The following ZBTB7A variants were observed in gnomAD, a reference collection of about 807,000 sequenced individuals.
ZBTB7A encodes the protein zinc finger and BTB domain containing 7A, also known as zinc finger and BTB domain-containing protein 7A.
ZBTB7A carries 7 observed loss-of-function variants against 26.7 expected under a neutral mutation model. That is an observed-to-expected ratio of 0.26 (90% CI 0.15 to 0.49). ZBTB7A has a LOEUF of 0.49. ZBTB7A is among the 20% of genes least tolerant of loss of function. ZBTB7A has a pLI of 0.98. For synonymous variants in ZBTB7A, 452 were observed against 441.0 expected (o/e 1.02, Z -0.31); for missense variants, 617 against 919.5 (o/e 0.67, Z 4.25).
intron 2 of ZBTB7A, among the ~76,000 whole-genome samples, chr19:4,049,543 G>A (rs915114987): frequency 2.6e-5 from 4 of 152,030 alleles, no homozygotes; most frequent in African/African-American, 9.7e-5. Flanking sequence ...CTGCCCTCTC[G>A]AGGCTGGCGG....
At chr19:4,053,725 C>A (rs73534138) in intron 2 of ZBTB7A, among the ~76,000 whole-genome samples, 7 of 150,380 alleles carry the variant, frequency 4.7e-5, no homozygotes, top group African/African-American at 1.7e-4. Flanking sequence ...ACGTGGCATA[C>A]GCGTCTGTGC....
Position 4,049,166 on chromosome 19 carries a change from G to GCATATATA in ZBTB7A, c.1263-923_1263-922insTATATATG, listed in dbSNP as rs2040466469. On this transcript the variant is annotated intron_variant, in intron 2 of 2. Coordinates refer to ENST00000322357, the MANE Select transcript of ZBTB7A (RefSeq NM_015898.4). ...AAACTATATGTGTGTGTGTGTGTGT[G>GCATATATA]TGTATATATATATATATATATATAT... Among the ~76,000 whole-genome samples, 2 of 13,476 alleles carry GCATATATA rather than the reference G, an allele frequency of 1.5e-4. 1 individual carries two copies. The highest frequency in any genetic ancestry group is 5.8e-3 in the South Asian group (2 of 344). The allele number at this position is 13,476 out of a possible 152,430, so 8.8% of individuals were successfully genotyped here.
intron 1 of ZBTB7A, among the ~76,000 whole-genome samples, chr19:4,059,735 C>A (rs903181990): frequency 2.6e-5 from 4 of 152,180 alleles, no homozygotes; most frequent in Non-Finnish European, 5.9e-5. Context: ...GAACACAAGC[C>A]ACCTGCCGGC....
chr19:4,047,869 G>A lies in ZBTB7A; in HGVS notation c.1638C>T (p.Asp546=), dbSNP rs749345090. ...GGCCCAAGCCGTCGGGGCTGGCCAC[G>A]TCCTCGTCCTCGTCCTCGTCCTTAA... The part of the protein sequence containing the change: ...KHFKDEDEDE[D]VASPDGLGRL... Residue 546 remains aspartate, a synonymous_variant, in exon 3 of 3, where the codon GAC becomes GAT. Coordinates refer to ENST00000322357, the MANE Select transcript of ZBTB7A (RefSeq NM_015898.4). 20 of 1,597,464 alleles carry A rather than the reference G, an allele frequency of 1.3e-5. No individual in the cohort carries two copies. Among genetic ancestry groups the A allele is most frequent in the East Asian group, 2.3e-5 (1 of 43,138 alleles).
chr19:4,044,513 G>T lies in ZBTB7A; in HGVS notation c.*3239C>A, dbSNP rs1167880132. 7 of 150,788 alleles carry T rather than the reference G, an allele frequency of 4.6e-5. No individual in the cohort carries two copies. Among genetic ancestry groups the T allele is most frequent in the Admixed American group, 4.6e-4 (7 of 15,192 alleles). The allele number at this position is 150,788 out of a possible 1,614,324, so 9.3% of individuals were successfully genotyped here. A position where few individuals can be genotyped will look rare whatever the true frequency, so the allele number is the denominator to read the frequency against. On this transcript the variant is annotated 3_prime_UTR_variant, in exon 3 of 3. Transcript: ENST00000322357. Reference sequence around the variant, plus strand: ...CGGCAGGCTGGGGGGCACTGCAGACGGGGGCTCCGGCCCGGCCACCTCCCC... The same window carrying T: ...CGGCAGGCTGGGGGGCACTGCAGACTGGGGCTCCGGCCCGGCCACCTCCCC...
At chr19:4,062,744 G>C (rs1300175378) in intron 1 of ZBTB7A, 1 of 152,420 alleles carries the variant, frequency 6.6e-6, no homozygotes, top group Non-Finnish European at 1.5e-5. Context: ...GGCAGGGCTG[G>C]AGTCCAGCTG....
intron 1 of ZBTB7A, chr19:4,062,383 G>C (rs1229448277): frequency 6.6e-6 from 1 of 152,260 alleles, no homozygotes; most frequent in East Asian, 1.9e-4. Context: ...CGGAGCAGCT[G>C]GGGGAGGCTG....
At chr19:4,051,588 A>G (rs905334436) in intron 2 of ZBTB7A, among the ~76,000 whole-genome samples, 3 of 152,224 alleles carry the variant, frequency 2.0e-5, no homozygotes, top group African/African-American at 4.8e-5. Flanking sequence ...TGAAGCCAAC[A>G]GAACGTGGTA....
chr19:4,046,203 C>T lies in ZBTB7A; in HGVS notation c.*1549G>A. Reference sequence around the variant, plus strand: ...GGGGGAACACAGCACGAACACCCCACAGTCCTGCCTTCGAGGCTGACGTCT... The same window carrying T: ...GGGGGAACACAGCACGAACACCCCATAGTCCTGCCTTCGAGGCTGACGTCT... On this transcript the variant is annotated 3_prime_UTR_variant, in exon 3 of 3. Coordinates refer to ENST00000322357, the MANE Select transcript of ZBTB7A (RefSeq NM_015898.4). 2.5e-6 allele frequency: 1 copy of T among 397,372 alleles called. No individual in the cohort carries two copies. The highest frequency in any genetic ancestry group is 3.6e-5 in the East Asian group (1 of 27,996). The allele number at this position is 397,372 out of a possible 1,614,324, so 24.6% of individuals were successfully genotyped here.
chr19:4,052,598 G>A lies in ZBTB7A; in HGVS notation c.1262+1373C>T, dbSNP rs1192253331. On this transcript the variant is annotated intron_variant, in intron 2 of 2. Transcript: ENST00000322357. The surrounding 1 kb of genome is among the most constrained non-coding windows in gnomAD (Gnocchi z 4.9). Reference sequence around the variant, plus strand: ...GCCTCTTTCTTCAGCCTCGGTGGGCGTGGCTGGGGGAACCCCAGGGCGGGC... The same window carrying A: ...GCCTCTTTCTTCAGCCTCGGTGGGCATGGCTGGGGGAACCCCAGGGCGGGC... Among the ~76,000 whole-genome samples, 4 of 152,052 alleles carry A rather than the reference G, an allele frequency of 2.6e-5. No individual in the cohort carries two copies. Among genetic ancestry groups the A allele is most frequent in the Non-Finnish European group, 5.9e-5 (4 of 67,970 alleles).
At position 4,045,202 on chromosome 19, in the gene ZBTB7A, G is replaced by A. The variant is rs1270858333; in HGVS notation, c.*2550C>T. 2 of 152,346 alleles carry A rather than the reference G, an allele frequency of 1.3e-5. No homozygotes were observed. Among genetic ancestry groups the A allele is most frequent in the Non-Finnish European group, 1.5e-5 (1 of 68,124 alleles). The allele number at this position is 152,346 out of a possible 1,614,324, so 9.4% of individuals were successfully genotyped here. A position where few individuals can be genotyped will look rare whatever the true frequency, so the allele number is the denominator to read the frequency against. ...CCCCCAAGTCCGGTCGCCCCCACTG[G>A]CTAGGACGACAGCTGTGATTTTAGA... On this transcript the variant is annotated 3_prime_UTR_variant, in exon 3 of 3. Transcript: ENST00000322357. The surrounding 1 kb of genome is among the most constrained non-coding windows in gnomAD (Gnocchi z 4.1).
At position 4,047,419 on chromosome 19, in the gene ZBTB7A, G is replaced by A. The variant is rs2040434321; in HGVS notation, c.*333C>T. ...CCAGGCCCCATGCCGGGTGCCCAGG[G>A]GGCTGTGCGGGGTCTCGGATTCCTT... On this transcript the variant is annotated 3_prime_UTR_variant, in exon 3 of 3. Transcript: ENST00000322357. 6.4e-6 allele frequency: 1 copy of A among 156,116 alleles called. No individual in the cohort carries two copies. Among genetic ancestry groups the A allele is most frequent in the Non-Finnish European group, 1.4e-5 (1 of 70,438 alleles). 9.7% of individuals were successfully genotyped at this position (156,116 alleles called of 1,614,324 possible). A position where few individuals can be genotyped will look rare whatever the true frequency, so the allele number is the denominator to read the frequency against.
Position 4,054,559 on chromosome 19 carries a change from G to A in ZBTB7A, c.674C>T (p.Pro225Leu), listed in dbSNP as rs1273606188. 6 of 1,480,028 alleles carry A rather than the reference G, an allele frequency of 4.1e-6. No homozygotes were observed. The highest frequency in any genetic ancestry group is 1.4e-5 in the South Asian group (1 of 73,532). The allele number at this position is 1,480,028 out of a possible 1,614,324, so 91.7% of individuals were successfully genotyped here. A position where few individuals can be genotyped will look rare whatever the true frequency, so the allele number is the denominator to read the frequency against. Residue 225 changes from proline (P) to leucine (L), a missense_variant, in exon 2 of 3, where the codon CCG (proline) becomes CTG (leucine). Pro to Leu is a moderately conservative substitution (Grantham distance 98, BLOSUM62 -3). Transcript: ENST00000322357. ...GTCCCCCGTCGGGGGCCGCTCGGCC[G>A]GGGGGCCCGGCCCATAGAAGTCTAA... ...NGLDFYGPGPPAERPPTGDGD... is the reference protein window; with the variant it reads ...NGLDFYGPGPLAERPPTGDGD...
Position 4,054,820 on chromosome 19 carries a change from GCGCCCGCGT to G in ZBTB7A, c.404_412del (p.Asp135_Gly137del). The G allele has an allele frequency of 6.3e-7, 1 of 1,598,460 alleles. No homozygotes were observed. Among genetic ancestry groups the G allele is most frequent in the South Asian group, 1.1e-5 (1 of 89,358 alleles). On this transcript the variant is annotated inframe_deletion, in exon 2 of 3. Transcript: ENST00000322357. Reference sequence around the variant, plus strand: ...TACAAGGTCCAGCTGCCCGGCGTCGGCGCCCGCGTCGGCCGCCAGGATCTGCCGGTCCAG... The same window carrying G: ...TACAAGGTCCAGCTGCCCGGCGTCGGCGGCCGCCAGGATCTGCCGGTCCAG...
rs528557465 is a variant in ZBTB7A, at chr19:4,048,388, G to A, written c.1263-144C>T. On this transcript the variant is annotated intron_variant, in intron 2 of 2. Transcript: ENST00000322357. The surrounding 1 kb of genome is among the most constrained non-coding windows in gnomAD (Gnocchi z 6.7). Reference sequence around the variant, plus strand: ...GCACCAGAGGTTTCGGTGCCCCGATGGGGACGGTCCCTCGAAAAACGAGAC... The same window carrying A: ...GCACCAGAGGTTTCGGTGCCCCGATAGGGACGGTCCCTCGAAAAACGAGAC... 84 of 1,219,334 alleles carry A rather than the reference G, an allele frequency of 6.9e-5. 1 individual carries two copies. The East Asian group carries it at 2.4e-3, about 35-fold the overall frequency. The allele number at this position is 1,219,334 out of a possible 1,614,324, so 75.5% of individuals were successfully genotyped here.
Position 4,054,369 on chromosome 19 carries a change from G to C in ZBTB7A, c.864C>G (p.Pro288=), listed in dbSNP as rs759279529. ...GGAAGCCCGGAGAGTCGCCCGGCTCGGGGGCCGCCTCCGACAGCGAGGCGG... is the reference window on the plus strand; with the variant it reads ...GGAAGCCCGGAGAGTCGCCCGGCTCCGGGGCCGCCTCCGACAGCGAGGCGG... ...EEAASLSEAA[P]EPGDSPGFLS... Residue 288 remains proline, a synonymous_variant, in exon 2 of 3, where the codon CCC becomes CCG. Coordinates refer to ENST00000322357, the MANE Select transcript of ZBTB7A (RefSeq NM_015898.4). The C allele has an allele frequency of 4.4e-5, 64 of 1,451,974 alleles. No homozygotes were observed. In the Admixed American group the frequency reaches 9.2e-4, roughly 21 times the overall value. 89.9% of individuals were successfully genotyped at this position (1,451,974 alleles called of 1,614,324 possible).
In ZBTB7A at chr19:4,055,080, C is replaced by A. The variant is rs2040563087; in HGVS notation, c.153G>T (p.Val51=). The A allele has an allele frequency of 6.2e-7, 1 of 1,610,068 alleles. No individual in the cohort carries two copies. The highest frequency in any genetic ancestry group is 1.3e-5 in the African/African-American group (1 of 74,924). The change falls in exon 2 of 3, where the codon GTG becomes GTT. Residue 51 remains valine (V), a synonymous_variant. Transcript: ENST00000322357. ...EGREFPTHRS[V]LAACSQYFKK... is the part of the protein sequence containing the mutation. The stretch of plus-strand genomic sequence containing the variant: ...TGAAGTACTGGCTGCAGGCGGCCAG[C>A]ACCGAGCGGTGCGTGGGGAACTCGC...
At chr19:4,065,954 C>T (rs2040692182) in intron 1 of ZBTB7A, among the ~76,000 whole-genome samples, 1 of 144,898 alleles carries the variant, frequency 6.9e-6, no homozygotes, top group African/African-American at 2.5e-5. Flanking sequence ...GATCGGCCCG[C>T]GCCCATTGGC....
intron 1 of ZBTB7A, among the ~76,000 whole-genome samples, chr19:4,055,913 G>A (rs1241926972): frequency 6.6e-6 from 1 of 152,136 alleles, no homozygotes; most frequent in African/African-American, 2.4e-5. Context: ...ATGAACCACG[G>A]CACCCGGCCA....
Sources: allele counts gnomAD v4.1 joint callset (sites outside exome capture counted in the v4.1 genomes callset), GRCh38; gene constraint gnomAD v4.1.1; non-coding constraint Gnocchi (gnomAD v3.1); transcripts MANE v1.5; gene names NCBI Gene and HGNC (gene_info 2026-07-23, HGNC 2026-07-21).